ARMH4: variants seen among roughly 807,000 people sequenced by gnomAD.
The protein encoded by ARMH4 is armadillo like helical domain containing 4, also known as armadillo-like helical domain-containing protein 4.
ARMH4 carries 49 observed loss-of-function variants against 61.9 expected under a neutral mutation model. The ratio of observed to expected loss-of-function variants is 0.79; its 90% CI spans 0.63 to 1.00. ARMH4 has a LOEUF of 1.00. Ranked by LOEUF, ARMH4 falls within the 50% of genes least tolerant of loss-of-function variation. ARMH4 has a pLI of 0.00. For synonymous variants in ARMH4, 368 were observed against 341.5 expected, an observed-to-expected ratio of 1.08 and a Z score of -0.85; for missense variants, 934 against 930.0, an observed-to-expected ratio of 1.00 and a Z score of -0.06.
intron 5 of ARMH4, among the ~76,000 whole-genome samples, chr14:58,043,168 C>T (rs1594716539): frequency 6.6e-6 from 1 of 152,152 alleles, no homozygotes; most frequent in African/African-American, 2.4e-5. Context: ...GAATTTTAGA[C>T]CAATATCCCT....
chr14:58,094,500 G>A (rs180705147), intron 5 of ARMH4, among the ~76,000 whole-genome samples: 29 of 152,200 alleles, frequency 1.9e-4, no homozygotes, highest in African/African-American at 6.0e-4. Flanking sequence ...GTGACTAGAT[G>A]AGCAAAACAT....
Position 58,138,519 on chromosome 14 carries a change from G to C in ARMH4, c.840C>G (p.Thr280=), listed in dbSNP as rs775810478. 11 of 1,614,216 alleles carry C rather than the reference G, an allele frequency of 6.8e-6. No homozygotes were observed. The highest frequency in any genetic ancestry group is 9.3e-6 in the Non-Finnish European group (11 of 1,180,056). ...TATCAGTTTCTGGCTCAACACTCAG[G>C]GTGTACTCGGAAGTTTCGAGTGGTT... is the stretch of plus-strand genomic sequence containing the variant. ...TKQPLETSEY[T]LSVEPETDSL... is the part of the protein sequence containing the mutation. Residue 280 remains threonine (T), a synonymous_variant, in exon 2 of 8, where the codon ACC becomes ACG. Coordinates refer to ENST00000267485, the MANE Select transcript of ARMH4 (RefSeq NM_001001872.4).
At position 58,052,569 on chromosome 14, in the gene ARMH4, G is replaced by A. The variant is rs577779150; in HGVS notation, c.2090-40419C>T. ...AACAGTCCTTTCCATTGGCTTCTGT[G>A]ACACCACGTTTCCCCTCACCTCTCT... On this transcript the variant is annotated intron_variant, in intron 5 of 7. Coordinates refer to ENST00000267485, the MANE Select transcript of ARMH4 (RefSeq NM_001001872.4). 2.0e-4 allele frequency among the ~76,000 whole-genome samples: 30 copies of A among 152,190 alleles called. No homozygotes were observed. The South Asian group carries it at 6.2e-3, about 32-fold the overall frequency.
At chr14:58,041,249 G>C (rs542631712) in intron 5 of ARMH4, among the ~76,000 whole-genome samples, 1 of 152,132 alleles carries the variant, frequency 6.6e-6, no homozygotes, top group Non-Finnish European at 1.5e-5. Flanking sequence ...CTGGAAAATC[G>C]AGTCACTCCC....
chr14:58,064,719 TG>T (rs1048580577), intron 5 of ARMH4, among the ~76,000 whole-genome samples: 1 of 151,992 alleles, frequency 6.6e-6, no homozygotes, highest in African/African-American at 2.4e-5. Context: ...TTTGAAAGAG[TG>T]AGGAGTAATT....
chr14:58,060,827 G>A (rs1884505381), intron 5 of ARMH4, among the ~76,000 whole-genome samples: 1 of 152,198 alleles, frequency 6.6e-6, no homozygotes, highest in Non-Finnish European at 1.5e-5. Flanking sequence ...ACAAAGGGAA[G>A]AAGTTTTTAG....
chr14:58,004,656 T>G lies in ARMH4; in HGVS notation c.*80A>C. On this transcript the variant is annotated 3_prime_UTR_variant, in exon 8 of 8. Coordinates refer to ENST00000267485, the MANE Select transcript of ARMH4 (RefSeq NM_001001872.4). ...GCCTGATAGCAGCAATGTGGCAGGT[T>G]GTTCTTTTTTTTTTTCTGCTCCAAA... 8.2e-7 allele frequency: 1 copy of G among 1,225,850 alleles called. No homozygotes were observed. The highest frequency in any genetic ancestry group is 2.3e-5 in the East Asian group (1 of 42,670). The allele number at this position is 1,225,850 out of a possible 1,614,324, so 75.9% of individuals were successfully genotyped here.
At chr14:58,093,094 C>T (rs1885628651) in intron 5 of ARMH4, among the ~76,000 whole-genome samples, 1 of 152,044 alleles carries the variant, frequency 6.6e-6, no homozygotes, top group South Asian at 2.1e-4. Flanking sequence ...GGCTTTTACC[C>T]CACTGCAATT....
intron 4 of ARMH4, 30 bp downstream of exon 4, chr14:58,131,482 T>C: frequency 6.3e-7 from 1 of 1,580,088 alleles, no homozygotes; most frequent in South Asian, 1.1e-5. Context: ...CAACCAGTCC[T>C]TGAAAAGATC....
At chr14:58,026,731 T>C (rs921832804) in intron 5 of ARMH4, among the ~76,000 whole-genome samples, 1 of 152,096 alleles carries the variant, frequency 6.6e-6, no homozygotes, top group African/African-American at 2.4e-5. Context: ...TCATTCTCAA[T>C]TTTAGGTAAG....
At chr14:58,125,347 C>T (rs566248333) in intron 4 of ARMH4, among the ~76,000 whole-genome samples, 2 of 152,228 alleles carry the variant, frequency 1.3e-5, no homozygotes, top group East Asian at 3.9e-4. Flanking sequence ...CTGCAGCTAA[C>T]CAATAGAAAT....
intron 5 of ARMH4, among the ~76,000 whole-genome samples, chr14:58,070,239 G>A (rs983438590): frequency 6.6e-6 from 1 of 152,118 alleles, no homozygotes; most frequent in African/African-American, 2.4e-5. Context: ...GCTCCAGATC[G>A]CATGCAGGTG....
Position 58,110,482 on chromosome 14 carries a change from T to C in ARMH4, c.1832-13501A>G, listed in dbSNP as rs1339319169. Among the ~76,000 whole-genome samples, 4 of 152,282 alleles carry C rather than the reference T, an allele frequency of 2.6e-5. No individual in the cohort carries two copies. In the South Asian group the frequency reaches 6.2e-4, roughly 24 times the overall value. ...GGGAGCTTTCTAAAGGTTAAAAATTTCCCATTATATAATCCTTCATCTTCA... is the reference window on the plus strand; with the variant it reads ...GGGAGCTTTCTAAAGGTTAAAAATTCCCCATTATATAATCCTTCATCTTCA... On this transcript the variant is annotated intron_variant, in intron 4 of 7. Coordinates refer to ENST00000267485, the MANE Select transcript of ARMH4 (RefSeq NM_001001872.4).
chr14:58,032,259 A>T (rs1883269520), intron 5 of ARMH4, among the ~76,000 whole-genome samples: 1 of 152,190 alleles, frequency 6.6e-6, no homozygotes, highest in Non-Finnish European at 1.5e-5. Context: ...CTACTGGTTA[A>T]ATCAATGAAT....
Position 58,128,918 on chromosome 14 carries a change from G to T in ARMH4, c.1831+2594C>A, listed in dbSNP as rs188616262. On this transcript the variant is annotated intron_variant, in intron 4 of 7. Coordinates refer to ENST00000267485, the MANE Select transcript of ARMH4 (RefSeq NM_001001872.4). Reference sequence around the variant, plus strand: ...AGGATGGGCCCTAATCCAATGACTGGTGTTCTTAAAAAGCAAGGAAAACTT... The same window carrying T: ...AGGATGGGCCCTAATCCAATGACTGTTGTTCTTAAAAAGCAAGGAAAACTT... 7.9e-5 allele frequency among the ~76,000 whole-genome samples: 12 copies of T among 152,280 alleles called. No individual in the cohort carries two copies. The South Asian group carries it at 8.3e-4, about 11-fold the overall frequency.
intron 1 of ARMH4, among the ~76,000 whole-genome samples, chr14:58,150,303 T>C (rs1566606980): frequency 1.3e-5 from 2 of 152,354 alleles, no homozygotes; most frequent in African/African-American, 4.8e-5. Flanking sequence ...GTTTTCATTT[T>C]ACAAAAATTA....
At position 58,138,755 on chromosome 14, in the gene ARMH4, A is replaced by T; in HGVS notation, c.604T>A (p.Leu202Met). The T allele has an allele frequency of 6.2e-7, 1 of 1,614,208 alleles. No homozygotes were observed. Among genetic ancestry groups the T allele is most frequent in the Non-Finnish European group, 8.5e-7 (1 of 1,180,042 alleles). Residue 202 changes from leucine to methionine, a missense_variant, in exon 2 of 8, where the codon TTG (leucine) becomes ATG (methionine). Transcript: ENST00000267485. ...FATESQEGVG[L>M]GHSPSSYVNT... ...ACATAGGATGAAGGTGAATGTCCCA[A>T]ACCAACTCCTTCCTGACTTTCAGTT...
intron 5 of ARMH4, among the ~76,000 whole-genome samples, chr14:58,020,299 G>A (rs1328687020): frequency 2.6e-5 from 4 of 152,112 alleles, no homozygotes; most frequent in Non-Finnish European, 4.4e-5. Flanking sequence ...CTGAGTTCTG[G>A]ATATGGGGGA....
chr14:58,151,485 G>T lies in ARMH4; in HGVS notation c.-57+590C>A, dbSNP rs368193946. Among the ~76,000 whole-genome samples, 7 of 152,260 alleles carry T rather than the reference G, an allele frequency of 4.6e-5. No individual in the cohort carries two copies. In the South Asian group the frequency reaches 1.5e-3, roughly 32 times the overall value. On this transcript the variant is annotated intron_variant, in intron 1 of 7. Coordinates refer to ENST00000267485, the MANE Select transcript of ARMH4 (RefSeq NM_001001872.4). ...GGAGCGTCCTCCAGCCGCGTCCTGG[G>T]GGACGAGTCAGGGGCTGAGCAAGGA... is the stretch of plus-strand genomic sequence containing the variant.
Sources: gnomAD v4.1 joint callset for allele counts (sites outside exome capture counted in the v4.1 genomes callset) on GRCh38, gnomAD v4.1.1 for gene constraint, MANE v1.5 for transcripts, NCBI Gene and HGNC (gene_info 2026-07-23, HGNC 2026-07-21) for gene names.